IL1RAPL1: variants seen among roughly 807,000 people sequenced by gnomAD.
IL1RAPL1 encodes the protein interleukin-1 receptor accessory protein-like 1.
IL1RAPL1 carries 3 observed loss-of-function variants against 48.4 expected under a neutral mutation model. The observed-to-expected ratio is 0.06, with a 90% CI of 0.03 to 0.16. IL1RAPL1 has a LOEUF of 0.16. Among genes scored for constraint, IL1RAPL1 ranks in the 10% least tolerant of loss-of-function variants. The pLI, the probability that IL1RAPL1 is intolerant of heterozygous loss-of-function variation, is 1.00. For missense variants in IL1RAPL1, 349 were observed against 530.6 expected (o/e 0.66, Z 3.36); for synonymous variants, 185 against 187.7 (o/e 0.99, Z 0.12).
chrX:28,678,984 T>C (rs755091545), intron 1 of IL1RAPL1, among the ~76,000 whole-genome samples: 3 of 112,003 alleles, frequency 2.7e-5, no homozygotes, highest in Non-Finnish European at 3.8e-5. Context: ...ATGGTAGTTT[T>C]ATTTGTAGTT....
At chrX:29,142,129 C>A (rs961339381) in intron 2 of IL1RAPL1, among the ~76,000 whole-genome samples, 1 of 111,675 alleles carries the variant, frequency 9.0e-6, no homozygotes, top group Non-Finnish European at 1.9e-5. Context: ...TAGCATGAAA[C>A]TAGTCAAAAT....
intron 6 of IL1RAPL1, among the ~76,000 whole-genome samples, chrX:29,895,270 G>A (rs1476257960): frequency 8.9e-6 from 1 of 111,815 alleles, no homozygotes; most frequent in Non-Finnish European, 1.9e-5. Context: ...TGTGTATGAA[G>A]CTGGGCACAG....
chrX:29,440,545 A>G (rs182211050), intron 5 of IL1RAPL1, among the ~76,000 whole-genome samples: 18 of 112,072 alleles, frequency 1.6e-4, no homozygotes, highest in African/African-American at 3.6e-4. Context: ...ATAAGAGAGG[A>G]GCTACCTCAT....
chrX:29,161,535 T>TA (rs1473617260), intron 2 of IL1RAPL1, among the ~76,000 whole-genome samples: 2 of 112,355 alleles, frequency 1.8e-5, no homozygotes, highest in African/African-American at 3.2e-5. Context: ...TTTTATTTAA[T>TA]AAGTAAATAA....
intron 6 of IL1RAPL1, among the ~76,000 whole-genome samples, chrX:29,783,315 A>G (rs570265375): frequency 9.0e-6 from 1 of 111,490 alleles, no homozygotes; most frequent in African/African-American, 3.3e-5. Context: ...ATGATCCAAA[A>G]GGCAACTCTG....
chrX:29,434,911 T>C (rs1263868324), intron 5 of IL1RAPL1, among the ~76,000 whole-genome samples: 1 of 111,196 alleles, frequency 9.0e-6, no homozygotes, highest in Non-Finnish European at 1.9e-5. Context: ...CCATTACCAC[T>C]GTCTAATTCT....
At chrX:29,080,110 G>A (rs1927767706) in intron 2 of IL1RAPL1, among the ~76,000 whole-genome samples, 1 of 110,825 alleles carries the variant, frequency 9.0e-6, no homozygotes, top group Non-Finnish European at 1.9e-5. Flanking sequence ...AGGGGGCTGG[G>A]CACAGTGTCT....
chrX:29,046,076 C>T (rs1926965103), intron 2 of IL1RAPL1, among the ~76,000 whole-genome samples: 2 of 107,572 alleles, frequency 1.9e-5, no homozygotes, highest in Admixed American at 1.0e-4. Flanking sequence ...CAGGCATGGC[C>T]TTGCTCTGCC....
intron 1 of IL1RAPL1, among the ~76,000 whole-genome samples, chrX:28,639,995 A>G (rs1934513781): frequency 8.9e-6 from 1 of 111,892 alleles, no homozygotes; most frequent in African/African-American, 3.2e-5. Context: ...GCACTGGTAA[A>G]GGAAATGAAG....
rs1246571749 is a variant in IL1RAPL1 at position 28,651,874 on chromosome X, A to G, written c.-25+63827A>G. On this transcript the variant is annotated intron_variant, in intron 1 of 10. Coordinates refer to ENST00000378993, the MANE Select transcript of IL1RAPL1 (RefSeq NM_014271.4). ...GGGTTGTAAGGAAGCTTGAGATGCC[A>G]TCTAATCTCTCCTACTCCTTCTGGA... 4.5e-5 allele frequency among the ~76,000 whole-genome samples: 5 copies of G among 111,698 alleles called. No homozygotes were observed. In the East Asian group the frequency reaches 1.4e-3, roughly 32 times the overall value.
chrX:28,959,090 A>G, intron 2 of IL1RAPL1, among the ~76,000 whole-genome samples: 1 of 111,586 alleles, frequency 9.0e-6, no homozygotes, highest in Non-Finnish European at 1.9e-5. Flanking sequence ...TCATTTTTGA[A>G]ATGAAAAAGT....
chrX:29,513,901 A>G (rs1354452020), intron 5 of IL1RAPL1, among the ~76,000 whole-genome samples: 2 of 112,013 alleles, frequency 1.8e-5, no homozygotes, highest in African/African-American at 3.2e-5. Context: ...GATACAAACA[A>G]TGGGTAAAGA....
At chrX:28,883,984 A>G (rs7885257) in intron 2 of IL1RAPL1, among the ~76,000 whole-genome samples, 38,051 of 110,038 alleles carry the variant, frequency 0.35, 5,009 homozygotes, top group African/African-American at 0.44. Flanking sequence ...TAAATGATGC[A>G]AGACATGTAA....
intron 2 of IL1RAPL1, among the ~76,000 whole-genome samples, chrX:28,981,137 A>G (rs1285801327): frequency 2.9e-5 from 3 of 102,425 alleles, no homozygotes; most frequent in Non-Finnish European, 5.9e-5. Flanking sequence ...AAGGAAAGAA[A>G]GAAAGAAAAG....
chrX:28,945,672 T>C (rs926674425), intron 2 of IL1RAPL1, among the ~76,000 whole-genome samples: 1 of 110,301 alleles, frequency 9.1e-6, no homozygotes, highest in Admixed American at 9.8e-5. Flanking sequence ...ACCTAGTTGA[T>C]GGCTTGATAG....
chrX:29,236,904 A>C lies in IL1RAPL1; in HGVS notation c.83-46034A>C, dbSNP rs756255137. ...TTCTTCTTAATATTTTTCCATTTCA[A>C]GGTCACAACTGCAATACCTTATATA... On this transcript the variant is annotated intron_variant, in intron 2 of 10. Transcript: ENST00000378993. Among the ~76,000 whole-genome samples the C allele has an allele frequency of 7.3e-5, 8 of 109,164 alleles. No homozygotes were observed. In the East Asian group the frequency reaches 2.0e-3, roughly 28 times the overall value. The allele number at this position is 109,164 out of a possible 115,157, so 94.8% of individuals were successfully genotyped here.
chrX:29,014,822 A>G (rs930083113), intron 2 of IL1RAPL1, among the ~76,000 whole-genome samples: 1 of 111,854 alleles, frequency 8.9e-6, no homozygotes, highest in African/African-American at 3.2e-5. Context: ...CCAAAACGAG[A>G]ATACTTTGAA....
At chrX:28,720,367 A>T (rs1425988802) in intron 1 of IL1RAPL1, among the ~76,000 whole-genome samples, 1 of 111,652 alleles carries the variant, frequency 9.0e-6, no homozygotes, top group African/African-American at 3.3e-5. Flanking sequence ...AATTAATGGC[A>T]CAAGGAAACA....
At chrX:28,822,611 G>A (rs1936948554) in intron 2 of IL1RAPL1, among the ~76,000 whole-genome samples, 1 of 111,794 alleles carries the variant, frequency 8.9e-6, no homozygotes, top group Admixed American at 9.5e-5. Flanking sequence ...GGGAGGACAT[G>A]TTGCCATGGG....
Sources: allele counts gnomAD v4.1 joint callset (sites outside exome capture counted in the v4.1 genomes callset), GRCh38; gene constraint gnomAD v4.1.1; transcripts MANE v1.5; gene names NCBI Gene and HGNC (gene_info 2026-07-23, HGNC 2026-07-21).